PCLO: variants seen among roughly 807,000 people sequenced by gnomAD.
PCLO encodes the protein piccolo presynaptic cytomatrix protein, also known as protein piccolo.
A neutral mutation model predicts 427.5 loss-of-function variants in PCLO; 82 were observed. That is an observed-to-expected ratio of 0.19 (90% CI 0.16 to 0.23). The LOEUF (loss-of-function observed/expected upper bound fraction) is 0.23. PCLO is among the 10% of genes least tolerant of loss of function. The pLI is 1.00. For missense variants in PCLO, 6,239 were observed against 6,115.9 expected, an observed-to-expected ratio of 1.02 and a Z score of -0.67; for synonymous variants, 2,357 against 2,155.4, an observed-to-expected ratio of 1.09 and a Z score of -2.59.
intron 3 of PCLO, among the ~76,000 whole-genome samples, chr7:83,126,821 T>C (rs149175547): frequency 0.014 from 2,086 of 152,144 alleles, 24 homozygotes; most frequent in Non-Finnish European, 0.021. Context: ...ACCCTCAAAA[T>C]AGGCAGGGAA....
chr7:83,135,605 C>A lies in PCLO; in HGVS notation c.1945G>T (p.Asp649Tyr), dbSNP rs771861856. Reference sequence around the variant, plus strand: ...GGTGATGACGGAACTGGAGCCAGATCCCCGCCTAGAGCTCTTTTCATTTGA... The same window carrying A: ...GGTGATGACGGAACTGGAGCCAGATACCCGCCTAGAGCTCTTTTCATTTGA... ...NCQMKRALGG[D>Y]LAPVPSSPQP... Residue 649 changes from aspartate (D) to tyrosine (Y), a missense_variant, in exon 3 of 25, where the codon GAT becomes TAT. Asp to Tyr is a radical substitution (Grantham distance 160). This residue lies in a region of PCLO where 4,677 missense variants were observed against 4,468.4 expected (regional missense o/e 1.05). Coordinates refer to ENST00000333891, the MANE Select transcript of PCLO (RefSeq NM_033026.6). 5.0e-6 allele frequency: 8 copies of A among 1,611,958 alleles called. No individual in the cohort carries two copies. The South Asian group carries it at 8.8e-5, about 18-fold the overall frequency.
Position 82,952,123 on chromosome 7 carries a change from C to A in PCLO, c.8830G>T (p.Val2944Phe). The A allele has an allele frequency of 6.2e-7, 1 of 1,613,898 alleles. No homozygotes were observed. Among genetic ancestry groups the A allele is most frequent in the Non-Finnish European group, 8.5e-7 (1 of 1,179,846 alleles). ...AGRRAVCCDV[V>F]YKLPFGRSCT... ...CTCCTTCCAAATGGTAATTTATAAACCACATCACAGCACACAGCTCTTCTC... is the reference window on the plus strand; with the variant it reads ...CTCCTTCCAAATGGTAATTTATAAAACACATCACAGCACACAGCTCTTCTC... Residue 2944 changes from valine (V) to phenylalanine (F), a missense_variant, in exon 5 of 25, where the codon GTT becomes TTT. This residue lies in a region of PCLO where 4,677 missense variants were observed against 4,468.4 expected (regional missense o/e 1.05). Coordinates refer to ENST00000333891, the MANE Select transcript of PCLO (RefSeq NM_033026.6).
chr7:82,928,206 T>C (rs558731892), intron 6 of PCLO, among the ~76,000 whole-genome samples: 1 of 152,328 alleles, frequency 6.6e-6, no homozygotes, highest in African/African-American at 2.4e-5. Context: ...ATATTGTGAT[T>C]AGCATAGACT....
At chr7:83,108,928 G>A (rs562011727) in intron 3 of PCLO, among the ~76,000 whole-genome samples, 1 of 152,200 alleles carries the variant, frequency 6.6e-6, no homozygotes, top group East Asian at 1.9e-4. Flanking sequence ...CTACAGGCTG[G>A]TGCAAAAGTA....
At chr7:83,080,262 G>C (rs1252414592) in intron 3 of PCLO, among the ~76,000 whole-genome samples, 2 of 152,062 alleles carry the variant, frequency 1.3e-5, no homozygotes, top group Non-Finnish European at 2.9e-5. Flanking sequence ...GGGTCAAATG[G>C]AATTTCTGGT....
Position 83,135,112 on chromosome 7 carries a change from A to C in PCLO, c.2438T>G (p.Val813Gly). Residue 813 changes from valine to glycine, a missense_variant, in exon 3 of 25, where the codon GTC becomes GGC. Val to Gly is a moderately radical substitution (Grantham distance 109, BLOSUM62 -3). Transcript: ENST00000333891. Reference sequence around the variant, plus strand: ...TATGGCTTTAGAATCAAATGGGCTGACTTTTTCCCCTGTTGGTGGAAAACT... The same window carrying C: ...TATGGCTTTAGAATCAAATGGGCTGCCTTTTTCCCCTGTTGGTGGAAAACT... ...SQSFPPTGEKVSPFDSKAIPR... is the reference protein window; with the variant it reads ...SQSFPPTGEKGSPFDSKAIPR... 1 of 1,613,846 alleles carries C rather than the reference A, an allele frequency of 6.2e-7. No individual in the cohort carries two copies. Among genetic ancestry groups the C allele is most frequent in the South Asian group, 1.1e-5 (1 of 91,064 alleles).
chr7:82,975,331 T>C (rs1456802914), intron 3 of PCLO, among the ~76,000 whole-genome samples: 1 of 152,166 alleles, frequency 6.6e-6, no homozygotes, highest in South Asian at 2.1e-4. Context: ...CCAAATGAAA[T>C]TTGTAGAACA....
rs1480604743 is a variant in PCLO, at chr7:82,754,890, T to A, written c.*3685A>T. The A allele has an allele frequency of 6.6e-6, 1 of 152,090 alleles. No homozygotes were observed. Among genetic ancestry groups the A allele is most frequent in the East Asian group, 1.9e-4 (1 of 5,204 alleles). 9.4% of individuals were successfully genotyped at this position (152,090 alleles called of 1,614,324 possible). On this transcript the variant is annotated 3_prime_UTR_variant, in exon 25 of 25. Coordinates refer to ENST00000333891, the MANE Select transcript of PCLO (RefSeq NM_033026.6). Reference sequence around the variant, plus strand: ...CACATAACACATATATAGCTGTAGTTGGCTGATTTTGGAATATTTGACATT... The same window carrying A: ...CACATAACACATATATAGCTGTAGTAGGCTGATTTTGGAATATTTGACATT...
At chr7:82,894,660 T>C (rs1793857473) in intron 9 of PCLO, among the ~76,000 whole-genome samples, 1 of 151,888 alleles carries the variant, frequency 6.6e-6, no homozygotes, top group Admixed American at 6.6e-5. Context: ...CCATATCAAG[T>C]GGGAATCTTG....
At position 82,950,498 on chromosome 7, in the gene PCLO, C is replaced by T. The variant is rs776441816; in HGVS notation, c.10090G>A (p.Ala3364Thr). ...DATTTASAVV[A>T]IEIPQSQGWY... ...CCTTGGCTTTGTGGTATTTCAATTG[C>T]CACAACAGCTGAAGCTGTGGTGGTT... Residue 3364 changes from alanine to threonine, a missense_variant, in exon 6 of 25, where the codon GCA becomes ACA. By Grantham distance (58) the Ala-to-Thr change is moderately conservative. Around this residue, in one of 5 missense-constraint regions of PCLO, gnomAD observed 4,677 missense variants for 4,468.4 expected, o/e 1.05. Coordinates refer to ENST00000333891, the MANE Select transcript of PCLO (RefSeq NM_033026.6). 3 of 1,613,766 alleles carry T rather than the reference C, an allele frequency of 1.9e-6. No individual in the cohort carries two copies. The highest frequency in any genetic ancestry group is 2.5e-6 in the Non-Finnish European group (3 of 1,179,850).
chr7:82,934,438 T>C (rs1438696456), intron 6 of PCLO, among the ~76,000 whole-genome samples: 1 of 151,946 alleles, frequency 6.6e-6, no homozygotes, highest in Non-Finnish European at 1.5e-5. Context: ...TGATGACAAC[T>C]GTAACATAAA....
intron 2 of PCLO, among the ~76,000 whole-genome samples, chr7:83,139,719 T>C (rs1332233930): frequency 6.6e-6 from 1 of 152,186 alleles, no homozygotes; most frequent in Non-Finnish European, 1.5e-5. Context: ...ACATTTATTT[T>C]AACTTTGATA....
Position 83,022,455 on chromosome 7 carries a change from A to T in PCLO, c.3301-55968T>A, listed in dbSNP as rs540953548. On this transcript the variant is annotated intron_variant, in intron 3 of 24. Coordinates refer to ENST00000333891, the MANE Select transcript of PCLO (RefSeq NM_033026.6). ...GAAAATGATGGCAATATTTTAAAGG[A>T]TCAAAAAATACCAGGACCCGATTCT... Among the ~76,000 whole-genome samples, 93 of 152,298 alleles carry T rather than the reference A, an allele frequency of 6.1e-4. 1 individual carries two copies. In the South Asian group the frequency reaches 0.018, roughly 30 times the overall value.
chr7:82,971,549 A>G (rs140300669), intron 3 of PCLO, among the ~76,000 whole-genome samples: 10,963 of 147,412 alleles, frequency 0.074, 1,376 homozygotes, highest in African/African-American at 0.26. Context: ...CTATCTATAT[A>G]ATCATATAAT....
intron 6 of PCLO, among the ~76,000 whole-genome samples, chr7:82,931,340 T>C (rs1421855201): frequency 2.0e-5 from 3 of 152,142 alleles, no homozygotes; most frequent in Admixed American, 1.3e-4. Context: ...TTTTAGGTGA[T>C]AGATTGTGTT....
At chr7:83,075,543 T>C (rs1789930625) in intron 3 of PCLO, among the ~76,000 whole-genome samples, 1 of 152,166 alleles carries the variant, frequency 6.6e-6, no homozygotes, top group Non-Finnish European at 1.5e-5. Context: ...ACAAGTGTTG[T>C]TTCTGTCCAA....
chr7:82,996,017 C>T (rs1796487912), intron 3 of PCLO, among the ~76,000 whole-genome samples: 1 of 151,532 alleles, frequency 6.6e-6, no homozygotes, highest in East Asian at 1.9e-4. Flanking sequence ...AGAATAGGTT[C>T]TATTTTTTAT....
At chr7:83,114,600 T>C (rs1451272441) in intron 3 of PCLO, among the ~76,000 whole-genome samples, 1 of 152,068 alleles carries the variant, frequency 6.6e-6, no homozygotes, top group African/African-American at 2.4e-5. Context: ...AACATGTTTT[T>C]AGTGTAGCAC....
chr7:83,161,717 G>A (rs1012826957), intron 1 of PCLO, among the ~76,000 whole-genome samples: 3 of 152,172 alleles, frequency 2.0e-5, no homozygotes, highest in African/African-American at 7.2e-5. Flanking sequence ...TGCTAATTTA[G>A]AAATATATGT....
Sources: gnomAD v4.1 joint callset for allele counts (sites outside exome capture counted in the v4.1 genomes callset) on GRCh38, gnomAD v4.1.1 for gene constraint, gnomAD v4.1.1 regional missense constraint, MANE v1.5 for transcripts, NCBI Gene and HGNC (gene_info 2026-07-23, HGNC 2026-07-21) for gene names.